The following YWHAG variants were observed in gnomAD, a reference collection of about 807,000 sequenced individuals.
YWHAG encodes the protein 14-3-3 protein gamma.
YWHAG carries 1 observed loss-of-function variant against 23.3 expected under a neutral mutation model. That is an observed-to-expected ratio of 0.04 (90% CI 0.02 to 0.20). The LOEUF is 0.20. YWHAG is among the 10% of genes least tolerant of loss of function. The probability of loss-of-function intolerance (pLI) is 1.00; values close to 1 mark genes in which losing one functional copy is unlikely to be tolerated. For missense variants in YWHAG, 151 were observed against 338.6 expected, an observed-to-expected ratio of 0.45 and a Z score of 4.35; for synonymous variants, 160 against 144.0, an observed-to-expected ratio of 1.11 and a Z score of -0.80.
At chr7:76,341,404 CAAAAAAAA>C (rs1158151013) in intron 1 of YWHAG, among the ~76,000 whole-genome samples, 1,109 of 44,672 alleles carry the variant, frequency 0.025, 24 homozygotes, top group African/African-American at 0.083. Flanking sequence ...ACTCTTGCCT[CAAAAAAAA>C]AAAAAAAAAA....
At chr7:76,350,572 A>G (rs1803858768) in intron 1 of YWHAG, among the ~76,000 whole-genome samples, 1 of 152,222 alleles carries the variant, frequency 6.6e-6, no homozygotes, top group Non-Finnish European at 1.5e-5. Flanking sequence ...GGTCAGGCGC[A>G]GTGGCTCATG....
At chr7:76,357,759 T>C (rs1007716316) in intron 1 of YWHAG, among the ~76,000 whole-genome samples, 1 of 152,194 alleles carries the variant, frequency 6.6e-6, no homozygotes, top group Non-Finnish European at 1.5e-5. Flanking sequence ...CTCTGCAATA[T>C]GACAAATGCA....
chr7:76,336,293 G>T (rs1803614035), intron 1 of YWHAG, among the ~76,000 whole-genome samples: 1 of 152,134 alleles, frequency 6.6e-6, no homozygotes, highest in Admixed American at 6.5e-5. Flanking sequence ...ACTGTAAACT[G>T]TGGACCTTGG....
At chr7:76,349,382 T>C (rs186466797) in intron 1 of YWHAG, among the ~76,000 whole-genome samples, 11 of 150,438 alleles carry the variant, frequency 7.3e-5, no homozygotes, top group South Asian at 2.1e-4. Flanking sequence ...AAGTTTTCCA[T>C]TGCGGTCCAG....
At chr7:76,346,229 G>T (rs1289461464) in intron 1 of YWHAG, among the ~76,000 whole-genome samples, 2 of 152,104 alleles carry the variant, frequency 1.3e-5, no homozygotes, top group Non-Finnish European at 2.9e-5. Flanking sequence ...CCCCTTGTCA[G>T]CCTTCTTTCC....
rs1803936005 is a variant in YWHAG at position 76,355,228 on chromosome 7, C to T, written c.87+3494G>A. On this transcript the variant is annotated intron_variant, in intron 1 of 1. Transcript: ENST00000307630. Reference sequence around the variant, plus strand: ...CAGTTATGTTACGCAACTTTTACCTCGATAAAAACACATCGTTTTCTCCAC... The same window carrying T: ...CAGTTATGTTACGCAACTTTTACCTTGATAAAAACACATCGTTTTCTCCAC... 2.6e-5 allele frequency among the ~76,000 whole-genome samples: 4 copies of T among 152,244 alleles called. No homozygotes were observed. The South Asian group carries it at 8.3e-4, about 32-fold the overall frequency.
At chr7:76,348,421 ATT>A (rs35576700) in intron 1 of YWHAG, among the ~76,000 whole-genome samples, 89 of 130,916 alleles carry the variant, frequency 6.8e-4, no homozygotes, top group East Asian at 2.3e-3. Flanking sequence ...ATGCCCGCTA[ATT>A]TTTTTTTTTT....
intron 1 of YWHAG, among the ~76,000 whole-genome samples, chr7:76,330,526 C>T (rs904348358): frequency 1.3e-5 from 2 of 152,178 alleles, no homozygotes; most frequent in Non-Finnish European, 2.9e-5. Flanking sequence ...AGATGAGAGA[C>T]TATGAGTACA....
chr7:76,349,011 A>G (rs1309883479), intron 1 of YWHAG, among the ~76,000 whole-genome samples: 10 of 152,188 alleles, frequency 6.6e-5, no homozygotes, highest in South Asian at 4.1e-4. Flanking sequence ...ACGTCAAACT[A>G]TATTACAATA....
chr7:76,339,257 G>A (rs1239673988), intron 1 of YWHAG, among the ~76,000 whole-genome samples: 1 of 152,040 alleles, frequency 6.6e-6, no homozygotes. Flanking sequence ...ATCACCTGAG[G>A]TCAGGAGTTC....
chr7:76,336,256 G>C (rs1803613481), intron 1 of YWHAG, among the ~76,000 whole-genome samples: 1 of 152,172 alleles, frequency 6.6e-6, no homozygotes, highest in South Asian at 2.1e-4. Context: ...CAACTCCACA[G>C]AATGTAGATC....
intron 1 of YWHAG, among the ~76,000 whole-genome samples, chr7:76,336,252 C>T (rs1803613400): frequency 6.6e-6 from 1 of 152,112 alleles, no homozygotes; most frequent in South Asian, 2.1e-4. Context: ...TGTCCAACTC[C>T]ACAGAATGTA....
intron 1 of YWHAG, among the ~76,000 whole-genome samples, chr7:76,342,112 C>A (rs1272957366): frequency 6.6e-6 from 1 of 152,154 alleles, no homozygotes; most frequent in Non-Finnish European, 1.5e-5. Context: ...CTCCTACCAA[C>A]ATCTAGTAAT....
In YWHAG at chr7:76,327,984, T is replaced by C. The variant is rs1269167642; in HGVS notation, c.*1593A>G. The stretch of plus-strand genomic sequence containing the variant: ...GTATTAGCAAAAGCATCTGTCAGTT[T>C]TTCCTCAATTACTCACACCTCTTCT... On this transcript the variant is annotated 3_prime_UTR_variant, in exon 2 of 2. Transcript: ENST00000307630. 1.3e-5 allele frequency: 2 copies of C among 152,150 alleles called. No homozygotes were observed. The highest frequency in any genetic ancestry group is 1.3e-4 in the Admixed American group (2 of 15,278). 9.4% of individuals were successfully genotyped at this position (152,150 alleles called of 1,614,324 possible).
rs187088627 is a variant in YWHAG at position 76,332,948 on chromosome 7, C to A, written c.88-2715G>T. Among the ~76,000 whole-genome samples, 566 of 152,228 alleles carry A rather than the reference C, an allele frequency of 3.7e-3. 1 individual carries two copies. Among genetic ancestry groups the A allele is most frequent in the African/African-American group, 0.013 (548 of 41,556 alleles). ...CAAACTCCTGGCCTCAAGTGATCCA[C>A]CCGCCTCAGTCTATGGCTGATTTAT... On this transcript the variant is annotated intron_variant, in intron 1 of 1. Transcript: ENST00000307630.
At chr7:76,341,214 G>A (rs1171996317) in intron 1 of YWHAG, among the ~76,000 whole-genome samples, 1 of 152,030 alleles carries the variant, frequency 6.6e-6, no homozygotes, top group Non-Finnish European at 1.5e-5. Flanking sequence ...GCAACATGGT[G>A]AAACCCCATC....
intron 1 of YWHAG, among the ~76,000 whole-genome samples, chr7:76,346,927 C>A (rs772922288): frequency 6.6e-6 from 1 of 152,142 alleles, no homozygotes; most frequent in Non-Finnish European, 1.5e-5. Flanking sequence ...CACAGCATTC[C>A]CTGAATGCCA....
rs1803507467 is a variant in YWHAG, at chr7:76,329,478, A to T, written c.*99T>A. ...TCGTGGGTTTCTCCCTGGGAAGGTCATCCCTCCCTTTCCCTCCCCCACCCG... is the reference window on the plus strand; with the variant it reads ...TCGTGGGTTTCTCCCTGGGAAGGTCTTCCCTCCCTTTCCCTCCCCCACCCG... On this transcript the variant is annotated 3_prime_UTR_variant, in exon 2 of 2. Coordinates refer to ENST00000307630, the MANE Select transcript of YWHAG (RefSeq NM_012479.4). The surrounding 1 kb of genome is among the most constrained non-coding windows in gnomAD (Gnocchi z 6.1). 6 of 1,244,322 alleles carry T rather than the reference A, an allele frequency of 4.8e-6. No individual in the cohort carries two copies. Among genetic ancestry groups the T allele is most frequent in the African/African-American group, 1.5e-5 (1 of 64,884 alleles). 77.1% of individuals were successfully genotyped at this position (1,244,322 alleles called of 1,614,324 possible).
chr7:76,330,005 T>C lies in YWHAG; in HGVS notation c.316A>G (p.Asn106Asp), dbSNP rs762781768. 6.2e-7 allele frequency: 1 copy of C among 1,614,170 alleles called. No homozygotes were observed. ...TCGCTGCAATTCTTGATCAGGTAGT[T>C]ATCCAGCAGGCTCAGCACATCCTGG... ...VCQDVLSLLD[N>D]YLIKNCSETQ... is the part of the protein sequence containing the mutation. Residue 106 changes from asparagine (N) to aspartate (D), a missense_variant, in exon 2 of 2, where the codon AAC (asparagine) becomes GAC (aspartate). Physicochemically the swap from Asn to Asp is conservative, Grantham distance 23. Coordinates refer to ENST00000307630, the MANE Select transcript of YWHAG (RefSeq NM_012479.4).
Sources: allele counts gnomAD v4.1 joint callset (sites outside exome capture counted in the v4.1 genomes callset), GRCh38; gene constraint gnomAD v4.1.1; non-coding constraint Gnocchi (gnomAD v3.1); transcripts MANE v1.5; gene names NCBI Gene and HGNC (gene_info 2026-07-23, HGNC 2026-07-21).